Variants in HYDIN observed in about 807,000 individuals in gnomAD.
The protein encoded by HYDIN is axonemal central pair apparatus protein HYDIN.
In HYDIN, 132 loss-of-function variants were observed where a neutral mutation model predicts 403.9. That is an observed-to-expected ratio of 0.33 (90% CI 0.28 to 0.38). HYDIN has a LOEUF of 0.38. Among genes scored for constraint, HYDIN ranks in the 10% least tolerant of loss-of-function variants. The pLI is 1.00. For missense variants in HYDIN, 2,827 were observed against 5,009.5 expected (o/e 0.56, Z 13.15); for synonymous variants, 1,202 against 1,891.7 (o/e 0.64, Z 9.46).
chr16:71,161,514 G>C (rs1397677737), intron 6 of HYDIN, among the ~76,000 whole-genome samples: 2 of 152,146 alleles, frequency 1.3e-5, no homozygotes, highest in Admixed American at 6.5e-5. Context: ...TCACTTACTA[G>C]CTCTGTGCTC....
chr16:70,856,808 C>T (rs2039054527), intron 72 of HYDIN, among the ~76,000 whole-genome samples: 1 of 152,218 alleles, frequency 6.6e-6, no homozygotes, highest in African/African-American at 2.4e-5. Flanking sequence ...AAATACACAT[C>T]CAGCAGTTAA....
intron 62 of HYDIN, among the ~76,000 whole-genome samples, chr16:70,876,044 C>A (rs1369896482): frequency 6.6e-6 from 1 of 151,766 alleles, no homozygotes. Context: ...AACAGAGCTA[C>A]GAAGAGAATG....
intron 45 of HYDIN, among the ~76,000 whole-genome samples, chr16:70,928,384 G>A (rs1213045583): frequency 1.3e-5 from 2 of 152,188 alleles, no homozygotes; most frequent in African/African-American, 4.8e-5. Flanking sequence ...TGAGCCTGGG[G>A]GAGATCAAGG....
intron 41 of HYDIN, among the ~76,000 whole-genome samples, chr16:70,947,231 T>C (rs1274864082): frequency 1.3e-5 from 2 of 150,992 alleles, no homozygotes; most frequent in African/African-American, 2.4e-5. Context: ...CCTAATTTAT[T>C]GAGAGTTTTT....
At position 70,820,799 on chromosome 16, in the gene HYDIN, C is replaced by T. The variant is rs376567837; in HGVS notation, c.14428-2227G>A. 1.7e-3 allele frequency among the ~76,000 whole-genome samples: 265 copies of T among 152,086 alleles called. 2 individuals carry two copies. Among genetic ancestry groups the T allele is most frequent in the East Asian group, 0.015 (77 of 5,150 alleles). ...GAGTAGCTGAGATTACATGCATGTG[C>T]CACCACACCCGTCTAATTTTTGTAT... On this transcript the variant is annotated intron_variant, in intron 83 of 85. Coordinates refer to ENST00000393567, the MANE Select transcript of HYDIN (RefSeq NM_001270974.2).
intron 8 of HYDIN, among the ~76,000 whole-genome samples, chr16:71,130,710 G>A (rs1251723893): frequency 8.5e-4 from 129 of 150,976 alleles, no homozygotes; most frequent in African/African-American, 2.8e-3. Flanking sequence ...GGATGGTCTC[G>A]ATCTCCTGAC....
At chr16:71,063,380 T>C (rs113304004) in intron 16 of HYDIN, among the ~76,000 whole-genome samples, 63 of 152,368 alleles carry the variant, frequency 4.1e-4, no homozygotes, top group African/African-American at 1.5e-3. Flanking sequence ...ATCTTGTTTA[T>C]TATGGATTTT....
chr16:71,213,549 G>A (rs987803064), intron 1 of HYDIN, among the ~76,000 whole-genome samples: 2 of 152,026 alleles, frequency 1.3e-5, no homozygotes, highest in African/African-American at 4.8e-5. Flanking sequence ...CAAACTAGAA[G>A]AGGGAAAAAC....
intron 10 of HYDIN, among the ~76,000 whole-genome samples, chr16:71,108,510 T>G (rs2083699803): frequency 6.6e-6 from 1 of 152,158 alleles, no homozygotes; most frequent in Non-Finnish European, 1.5e-5. Flanking sequence ...TGCCTTATAA[T>G]TATTTGTTAT....
intron 23 of HYDIN, among the ~76,000 whole-genome samples, chr16:70,992,768 A>G (rs865886535): frequency 5.3e-4 from 81 of 152,146 alleles, no homozygotes; most frequent in Non-Finnish European, 2.1e-4. Context: ...GGTCCCACCA[A>G]TGAGCTGTGC....
intron 1 of HYDIN, among the ~76,000 whole-genome samples, chr16:71,211,468 G>A (rs1328432941): frequency 9.9e-5 from 15 of 151,600 alleles, no homozygotes; most frequent in Non-Finnish European, 1.3e-4. Flanking sequence ...GTGAAACCCC[G>A]TCTCTACTAA....
chr16:71,083,120 G>A (rs1027378072), intron 12 of HYDIN, among the ~76,000 whole-genome samples: 2 of 140,566 alleles, frequency 1.4e-5, no homozygotes, highest in African/African-American at 5.3e-5. Flanking sequence ...TTCGTGACCG[G>A]GTTCTTTCAT....
chr16:70,809,717 T>C (rs754426093), intron 85 of HYDIN, 66 bp downstream of exon 85: 4 of 1,256,222 alleles, frequency 3.2e-6, no homozygotes, highest in Non-Finnish European at 4.7e-6. Context: ...CTGTGTCTCC[T>C]CTCATTGTTT....
chr16:71,074,707 C>CAA (rs59315287), intron 13 of HYDIN, among the ~76,000 whole-genome samples: 4,970 of 85,934 alleles, frequency 0.058, 110 homozygotes, highest in Non-Finnish European at 0.064. Context: ...CAAAAAACAC[C>CAA]AAAAAAAAAA....
At chr16:71,159,716 T>G (rs1195337264) in intron 6 of HYDIN, among the ~76,000 whole-genome samples, 2 of 147,704 alleles carry the variant, frequency 1.4e-5, no homozygotes, top group Non-Finnish European at 3.0e-5. Context: ...ACAGCAGACT[T>G]CTCATTAGAA....
chr16:71,002,322 G>A (rs2079745595), intron 23 of HYDIN, among the ~76,000 whole-genome samples: 1 of 152,168 alleles, frequency 6.6e-6, no homozygotes, highest in Non-Finnish European at 1.5e-5. Context: ...AAGGTAGGAG[G>A]ATTGCCTGAG....
At chr16:71,174,786 G>T (rs2086600563) in intron 5 of HYDIN, among the ~76,000 whole-genome samples, 1 of 152,144 alleles carries the variant, frequency 6.6e-6, no homozygotes, top group Admixed American at 6.5e-5. Flanking sequence ...TTTGACTGCA[G>T]GCTCTTCTTA....
intron 47 of HYDIN, among the ~76,000 whole-genome samples, chr16:70,913,966 C>T (rs1382490323): frequency 2.3e-5 from 3 of 132,860 alleles, no homozygotes; most frequent in African/African-American, 7.8e-5. Flanking sequence ...TTTTGGTGTC[C>T]ATTTGCATGA....
chr16:70,830,721 T>C (rs1021783767), intron 80 of HYDIN, among the ~76,000 whole-genome samples: 1 of 151,896 alleles, frequency 6.6e-6, no homozygotes, highest in Non-Finnish European at 1.5e-5. Context: ...TGGGTATAGG[T>C]GGAAGAAGGC....
Sources: gnomAD v4.1 joint callset for allele counts (sites outside exome capture counted in the v4.1 genomes callset) on GRCh38, gnomAD v4.1.1 for gene constraint, MANE v1.5 for transcripts, NCBI Gene and HGNC (gene_info 2026-07-23, HGNC 2026-07-21) for gene names.